The following DAB1 variants were observed in gnomAD, a reference collection of about 807,000 sequenced individuals.
DAB1 encodes disabled homolog 1.
DAB1 carries 15 observed loss-of-function variants against 64.6 expected under a neutral mutation model. The observed-to-expected ratio is 0.23, with a 90% confidence interval of 0.16 to 0.36. DAB1 has a LOEUF of 0.36. Ranked by LOEUF, DAB1 falls within the 10% of genes least tolerant of loss-of-function variation. The pLI, the probability that DAB1 is intolerant of heterozygous loss-of-function variation, is 1.00. For synonymous variants in DAB1, 235 were observed against 251.9 expected (o/e 0.93, Z 0.64); for missense variants, 596 against 706.7 (o/e 0.84, Z 1.78).
chr1:57,072,493 G>T, intron 4 of DAB1, 79 bp from the exon 5 acceptor site: 1 of 1,531,916 alleles, frequency 6.5e-7, no homozygotes. Flanking sequence ...ATGTGTTTCA[G>T]CTACGTGTGA....
intron 4 of DAB1, among the ~76,000 whole-genome samples, chr1:58,319,801 G>C (rs574805673): frequency 6.6e-6 from 1 of 152,252 alleles, no homozygotes; most frequent in Admixed American, 6.5e-5. Flanking sequence ...AACAACAGGC[G>C]TTGTCCAATA....
chr1:57,440,658 C>G (rs543921310), intron 7 of DAB1, among the ~76,000 whole-genome samples: 1 of 152,312 alleles, frequency 6.6e-6, no homozygotes, highest in East Asian at 1.9e-4. Flanking sequence ...TAGCTCTTGT[C>G]TGCCTTCTTA....
At chr1:58,110,611 C>G (rs538168430) in intron 5 of DAB1, among the ~76,000 whole-genome samples, 1 of 152,296 alleles carries the variant, frequency 6.6e-6, no homozygotes, top group African/African-American at 2.4e-5. Context: ...TAGGTGATAG[C>G]AAAACCTGGA....
intron 3 of DAB1, among the ~76,000 whole-genome samples, chr1:58,476,891 G>A (rs559477070): frequency 2.6e-5 from 4 of 152,274 alleles, no homozygotes; most frequent in Admixed American, 2.0e-4. Flanking sequence ...GGAAGAGGAC[G>A]GACTTTGGAG....
chr1:57,739,002 C>T (rs1647830954), intron 6 of DAB1, among the ~76,000 whole-genome samples: 1 of 152,232 alleles, frequency 6.6e-6, no homozygotes, highest in Admixed American at 6.5e-5. Context: ...ATGCACATCA[C>T]AGCCTGCATC....
chr1:57,232,923 G>T (rs1270334300), intron 2 of DAB1, among the ~76,000 whole-genome samples: 19 of 152,204 alleles, frequency 1.2e-4, no homozygotes, highest in Non-Finnish European at 2.1e-4. Flanking sequence ...ACCATGTCCA[G>T]TAAAATGTTC....
At chr1:57,003,383 G>A (rs972407964) in intron 14 of DAB1, among the ~76,000 whole-genome samples, 1 of 152,166 alleles carries the variant, frequency 6.6e-6, no homozygotes, top group African/African-American at 2.4e-5. Context: ...CACCAGGACT[G>A]TGCCTTTAGA....
At chr1:58,153,400 CTGT>C (rs1655051637) in intron 4 of DAB1, among the ~76,000 whole-genome samples, 1 of 152,160 alleles carries the variant, frequency 6.6e-6, no homozygotes, top group Non-Finnish European at 1.5e-5. Context: ...ACCCAGGCTG[CTGT>C]TGTTTTCTTT....
At chr1:57,585,534 T>C (rs1645368812) in intron 7 of DAB1, among the ~76,000 whole-genome samples, 1 of 152,206 alleles carries the variant, frequency 6.6e-6, no homozygotes, top group South Asian at 2.1e-4. Flanking sequence ...CTTCTTTCCT[T>C]GAACGTGCAT....
intron 2 of DAB1, among the ~76,000 whole-genome samples, chr1:57,202,211 C>T (rs530395686): frequency 6.6e-6 from 1 of 152,226 alleles, no homozygotes; most frequent in East Asian, 1.9e-4. Context: ...TTTAAAAAGC[C>T]TTGGCAATTG....
At chr1:57,177,384 G>A (rs1310694093) in intron 2 of DAB1, among the ~76,000 whole-genome samples, 1 of 152,046 alleles carries the variant, frequency 6.6e-6, no homozygotes, top group African/African-American at 2.4e-5. Flanking sequence ...TTGTTAATCT[G>A]TCTTTTGTCA....
Position 57,676,076 on chromosome 1 carries a change from A to G in DAB1, n.552-26411T>C, listed in dbSNP as rs1036160987. ...CTATCCTGGGATAAACATAGCATTTAAGGAATGAAGTGGAGCTCATTATAT... is the reference window on the plus strand; with the variant it reads ...CTATCCTGGGATAAACATAGCATTTGAGGAATGAAGTGGAGCTCATTATAT... On this transcript the variant is annotated intron_variant and non_coding_transcript_variant, in intron 6 of 20. Coordinates refer to the DAB1 transcript ENST00000485760. Among the ~76,000 whole-genome samples the G allele has an allele frequency of 5.3e-5, 8 of 152,192 alleles. No homozygotes were observed. In the South Asian group the frequency reaches 1.5e-3, roughly 28 times the overall value.
chr1:58,182,794 C>G (rs1019123881), intron 4 of DAB1, among the ~76,000 whole-genome samples: 1 of 151,914 alleles, frequency 6.6e-6, no homozygotes, highest in African/African-American at 2.4e-5. Flanking sequence ...AAATCTGTAC[C>G]CGTCAAATAT....
intron 3 of DAB1, among the ~76,000 whole-genome samples, chr1:58,458,146 T>C (rs1223032114): frequency 6.6e-6 from 1 of 152,186 alleles, no homozygotes; most frequent in Non-Finnish European, 1.5e-5. Flanking sequence ...TTCAAATTGG[T>C]TTAAATTACA....
chr1:57,588,902 T>G (rs1645410755), intron 7 of DAB1, among the ~76,000 whole-genome samples: 1 of 152,216 alleles, frequency 6.6e-6, no homozygotes, highest in Non-Finnish European at 1.5e-5. Flanking sequence ...CCTTATATCT[T>G]ACCCCTAAAT....
At chr1:58,085,883 T>A (rs1650269568) in intron 5 of DAB1, among the ~76,000 whole-genome samples, 1 of 151,808 alleles carries the variant, frequency 6.6e-6, no homozygotes, top group Non-Finnish European at 1.5e-5. Context: ...ACTCTCATTA[T>A]GTTCCACTTC....
intron 2 of DAB1, among the ~76,000 whole-genome samples, chr1:57,204,276 G>A (rs187966094): frequency 8.1e-4 from 123 of 151,962 alleles, no homozygotes; most frequent in African/African-American, 2.7e-3. Flanking sequence ...TGCAATTTAC[G>A]TAACTTGGAA....
intron 6 of DAB1, among the ~76,000 whole-genome samples, chr1:57,663,145 C>T (rs1225545307): frequency 7.9e-5 from 12 of 151,896 alleles, no homozygotes; most frequent in South Asian, 4.2e-4. Flanking sequence ...TGACTGAAGG[C>T]GAAGGAGAAG....
At chr1:57,714,152 G>T (rs763497055) in intron 6 of DAB1, among the ~76,000 whole-genome samples, 2 of 141,454 alleles carry the variant, frequency 1.4e-5, no homozygotes, top group Non-Finnish European at 3.0e-5. Flanking sequence ...TTTACTACTT[G>T]CCAGCTCCTG....
Sources: allele counts gnomAD v4.1 joint callset (sites outside exome capture counted in the v4.1 genomes callset), GRCh38; gene constraint gnomAD v4.1.1; transcripts MANE v1.5; gene names NCBI Gene and HGNC (gene_info 2026-07-23, HGNC 2026-07-21).